NAALADL2: variants seen among roughly 807,000 people sequenced by gnomAD.
NAALADL2 encodes N-acetylated alpha-linked acidic dipeptidase like 2, also known as inactive N-acetylated-alpha-linked acidic dipeptidase-like protein 2.
Under a neutral mutation model 87.2 loss-of-function variants are expected in NAALADL2, and 76 were observed. That is an observed-to-expected ratio of 0.87 (90% CI 0.72 to 1.05). NAALADL2 has a LOEUF of 1.05. NAALADL2 is among the 50% of genes least tolerant of loss of function. NAALADL2 has a pLI of 0.00. For synonymous variants in NAALADL2, 354 were observed against 331.0 expected (o/e 1.07, Z -0.75); for missense variants, 1,089 against 945.8 (o/e 1.15, Z -1.99).
chr3:175,327,158 T>C (rs1042508437), intron 5 of NAALADL2, among the ~76,000 whole-genome samples: 41 of 144,244 alleles, frequency 2.8e-4, no homozygotes, highest in Non-Finnish European at 9.1e-5. Flanking sequence ...CTTTTTTTTT[T>C]TTTTTTTTTT....
chr3:175,506,745 T>C (rs1172791858), intron 9 of NAALADL2, among the ~76,000 whole-genome samples: 3 of 152,212 alleles, frequency 2.0e-5, no homozygotes, highest in African/African-American at 2.4e-5. Context: ...TGCTTTTAAA[T>C]ATACTTCATA....
At chr3:175,577,558 G>A (rs951385270) in intron 10 of NAALADL2, among the ~76,000 whole-genome samples, 12 of 152,110 alleles carry the variant, frequency 7.9e-5, no homozygotes, top group African/African-American at 1.9e-4. Context: ...AAGAAGAACC[G>A]TATTATCCTA....
intron 1 of NAALADL2, among the ~76,000 whole-genome samples, chr3:174,941,799 T>C (rs1393146976): frequency 1.3e-5 from 2 of 152,148 alleles, no homozygotes; most frequent in Non-Finnish European, 2.9e-5. Context: ...GAAGTCTATT[T>C]TGTCTGAAAT....
chr3:174,990,841 G>A (rs1158834367), intron 1 of NAALADL2, among the ~76,000 whole-genome samples: 2 of 152,050 alleles, frequency 1.3e-5, no homozygotes, highest in Non-Finnish European at 2.9e-5. Context: ...TGGGACCGAG[G>A]TATCAGTATT....
intron 1 of NAALADL2, among the ~76,000 whole-genome samples, chr3:175,066,757 C>T (rs1484410962): frequency 2.6e-5 from 4 of 152,108 alleles, no homozygotes; most frequent in Admixed American, 1.3e-4. Context: ...TATCAAAGAC[C>T]TTGTCAGGCT....
intron 2 of NAALADL2, among the ~76,000 whole-genome samples, chr3:175,192,037 T>A (rs1330957635): frequency 6.6e-6 from 1 of 152,138 alleles, no homozygotes; most frequent in Non-Finnish European, 1.5e-5. Flanking sequence ...GCTATATAAT[T>A]GATTAATTTA....
intron 4 of NAALADL2, among the ~76,000 whole-genome samples, chr3:175,283,035 A>G (rs546448090): frequency 6.6e-6 from 1 of 152,108 alleles, no homozygotes; most frequent in East Asian, 1.9e-4. Context: ...TAACTTTGAA[A>G]AAATCAGGAC....
chr3:174,753,001 G>A (rs773143838), intron 3 of NAALADL2, among the ~76,000 whole-genome samples: 42 of 152,296 alleles, frequency 2.8e-4, no homozygotes, highest in Admixed American at 1.1e-3. Context: ...ACTTGTGATA[G>A]ATGTATGATT....
intron 2 of NAALADL2, among the ~76,000 whole-genome samples, chr3:174,619,066 T>C (rs541259161): frequency 2.2e-4 from 33 of 152,030 alleles, no homozygotes; most frequent in Admixed American, 5.9e-4. Context: ...AGTTACCTTT[T>C]TACATTGGTC....
chr3:175,180,704 TATC>T (rs1658381795), intron 2 of NAALADL2, among the ~76,000 whole-genome samples: 1 of 140,926 alleles, frequency 7.1e-6, no homozygotes, highest in Non-Finnish European at 1.6e-5. Flanking sequence ...TAATCATAAA[TATC>T]ATTAGTTATT....
chr3:175,314,698 A>ATATATATAGTTCTAAC (rs1758897396), intron 4 of NAALADL2, among the ~76,000 whole-genome samples: 1 of 97,856 alleles, frequency 1.0e-5, no homozygotes, highest in Non-Finnish European at 2.1e-5. Flanking sequence ...ATATATATAT[A>ATATATATAGTTCTAAC]TATATATATA....
chr3:174,822,159 AACAC>A (rs60752709), intron 3 of NAALADL2, among the ~76,000 whole-genome samples: 2 of 148,618 alleles, frequency 1.3e-5, no homozygotes, highest in East Asian at 2.0e-4. Flanking sequence ...CAGTGACACA[AACAC>A]ACACACAGGG....
At chr3:174,681,221 A>G (rs558519528) in intron 2 of NAALADL2, among the ~76,000 whole-genome samples, 2 of 152,282 alleles carry the variant, frequency 1.3e-5, no homozygotes, top group East Asian at 3.9e-4. Flanking sequence ...ACCACAGGCT[A>G]AAGTGCTCTG....
chr3:175,618,264 A>T (rs773101567), intron 10 of NAALADL2, among the ~76,000 whole-genome samples: 6 of 152,116 alleles, frequency 3.9e-5, no homozygotes, highest in Non-Finnish European at 5.9e-5. Flanking sequence ...TTTAATGGGG[A>T]CATATTCACA....
intron 1 of NAALADL2, among the ~76,000 whole-genome samples, chr3:174,883,109 C>T (rs147431028): frequency 1.0e-3 from 153 of 152,014 alleles, no homozygotes; most frequent in Non-Finnish European, 1.4e-3. Flanking sequence ...GAGGCTAGAC[C>T]AGTGTATCTT....
At chr3:175,672,671 C>T (rs574128336) in intron 11 of NAALADL2, among the ~76,000 whole-genome samples, 6 of 152,248 alleles carry the variant, frequency 3.9e-5, no homozygotes, top group East Asian at 1.9e-4. Flanking sequence ...CTTATAAATT[C>T]AATCAAAACG....
chr3:174,826,399 T>C (rs1195758664), intron 3 of NAALADL2, among the ~76,000 whole-genome samples: 1 of 152,226 alleles, frequency 6.6e-6, no homozygotes. Context: ...GTGTATCATC[T>C]GTAAAATGGG....
intron 3 of NAALADL2, among the ~76,000 whole-genome samples, chr3:174,848,099 C>T (rs867964607): frequency 2.0e-5 from 3 of 151,310 alleles, no homozygotes; most frequent in African/African-American, 4.9e-5. Flanking sequence ...ATTTTGCTCT[C>T]GCTGTGATAT....
intron 9 of NAALADL2, among the ~76,000 whole-genome samples, chr3:175,484,748 T>G (rs1462706806): frequency 6.6e-6 from 1 of 152,150 alleles, no homozygotes. Context: ...CGATAGCAAA[T>G]TACATTGGTT....
Sources: allele counts gnomAD v4.1 joint callset (sites outside exome capture counted in the v4.1 genomes callset), GRCh38; gene constraint gnomAD v4.1.1; transcripts MANE v1.5; gene names NCBI Gene and HGNC (gene_info 2026-07-23, HGNC 2026-07-21).